The following BRD4 variants were observed in gnomAD, a reference collection of about 807,000 sequenced individuals.
The protein encoded by BRD4 is bromodomain-containing protein 4.
A neutral mutation model predicts 142.1 loss-of-function variants in BRD4; 16 were observed. That is an observed-to-expected ratio of 0.11 (90% CI 0.08 to 0.17). The LOEUF is 0.17. Among genes scored for constraint, BRD4 ranks in the 10% least tolerant of loss-of-function variants. The probability of loss-of-function intolerance (pLI) is 1.00; values close to 1 mark genes in which losing one functional copy is unlikely to be tolerated. For missense variants in BRD4, 1,424 were observed against 1,810.9 expected (o/e 0.79, Z 3.88); for synonymous variants, 833 against 707.5 (o/e 1.18, Z -2.82).
chr19:15,264,255 C>G, intron 6 of BRD4, 149 bp downstream of exon 6: 2 of 1,069,292 alleles, frequency 1.9e-6, no homozygotes, highest in Non-Finnish European at 1.3e-6. Flanking sequence ...CAGCAGGGGG[C>G]GCTGAGTTTC....
intron 1 of BRD4, chr19:15,280,389 G>A (rs199964412): frequency 2.0e-6 from 2 of 1,016,662 alleles, no homozygotes; most frequent in African/African-American, 3.4e-5. Context: ...GAAGCAGCTG[G>A]GTGCCATGTG....
chr19:15,237,246 G>T lies in BRD4; in HGVS notation c.*1131C>A, dbSNP rs1228003516. On this transcript the variant is annotated 3_prime_UTR_variant, in exon 20 of 20. Coordinates refer to ENST00000679869, the MANE Select transcript of BRD4 (RefSeq NM_001379291.1). The stretch of plus-strand genomic sequence containing the variant: ...AAAACAAAAAAGCCAACAAATGGGT[G>T]GGGGGGGGGGGGGTGGAGGGGAAAG... 5.9e-4 allele frequency: 11 copies of T among 18,596 alleles called. No homozygotes were observed. Among genetic ancestry groups the T allele is most frequent in the Non-Finnish European group, 1.0e-3 (9 of 8,898 alleles). 1.2% of individuals were successfully genotyped at this position (18,596 alleles called of 1,614,324 possible).
At chr19:15,294,292 C>G (rs940352414) in intron 1 of BRD4, among the ~76,000 whole-genome samples, 4 of 152,248 alleles carry the variant, frequency 2.6e-5, no homozygotes, top group Admixed American at 6.5e-5. Flanking sequence ...CAGTTCACAG[C>G]AGAGGAGAGA....
intron 4 of BRD4, among the ~76,000 whole-genome samples, chr19:15,267,202 C>T (rs1202361125): frequency 1.3e-5 from 2 of 152,144 alleles, no homozygotes; most frequent in South Asian, 2.1e-4. Flanking sequence ...TCAGAAAAGG[C>T]AGGGCCCAAT....
chr19:15,254,132 T>A lies in BRD4; in HGVS notation c.2158+20A>T, dbSNP rs201366078. 6.2e-7 allele frequency: 1 copy of A among 1,603,652 alleles called. No homozygotes were observed. The highest frequency in any genetic ancestry group is 8.5e-7 in the Non-Finnish European group (1 of 1,170,568). On this transcript the variant is annotated intron_variant, in intron 11 of 19. Transcript: ENST00000679869. ...GGTGGGAAGAGTTTGGTAAGACACG[T>A]AGAACACAAGTCACCTAACCTGTTT...
intron 1 of BRD4, among the ~76,000 whole-genome samples, chr19:15,319,232 G>C (rs557324342): frequency 1.1e-4 from 16 of 152,222 alleles, no homozygotes; most frequent in Non-Finnish European, 1.8e-4. Context: ...AACTCTGGGA[G>C]GCCAAGGTGG....
rs956690732 is a variant in BRD4 at position 15,332,423 on chromosome 19, ACCGCCGGCAG to A, written c.-178_-169del. 2.8e-5 allele frequency: 4 copies of A among 144,970 alleles called. No individual in the cohort carries two copies. Among genetic ancestry groups the A allele is most frequent in the Non-Finnish European group, 6.1e-5 (4 of 65,404 alleles). 9.0% of individuals were successfully genotyped at this position (144,970 alleles called of 1,614,324 possible). ...TCACAGGCCGCGCTCGCCCGCGGGC[ACCGCCGGCAG>A]CCGCCGCAGCCGCTGCCGCCGCCAC... On this transcript the variant is annotated 5_prime_UTR_variant, in exon 1 of 20. Coordinates refer to ENST00000679869, the MANE Select transcript of BRD4 (RefSeq NM_001379291.1).
At position 15,235,566 on chromosome 19, in the gene BRD4, CA is replaced by C. The variant is rs35971341; in HGVS notation, c.*2810del. 23,830 of 76,606 alleles carry C rather than the reference CA, an allele frequency of 0.31. 1,771 individuals are homozygous for C. The highest frequency in any genetic ancestry group is 0.4 in the Middle Eastern group (55 of 136). 4.7% of individuals were successfully genotyped at this position (76,606 alleles called of 1,614,324 possible). On this transcript the variant is annotated 3_prime_UTR_variant, in exon 20 of 20. Transcript: ENST00000679869. ...GTTTATTTTTGCAATGAGAACTGCA[CA>C]AAAAAAAAAAAAAACCTTTCGTATG...
At chr19:15,261,393 G>A (rs542856346) in intron 7 of BRD4, among the ~76,000 whole-genome samples, 60 of 152,154 alleles carry the variant, frequency 3.9e-4, no homozygotes, top group Non-Finnish European at 5.0e-4. Context: ...TGAGGCAGGA[G>A]AACTGCTTGA....
chr19:15,277,237 T>C (rs138423923), intron 1 of BRD4, among the ~76,000 whole-genome samples: 122 of 152,338 alleles, frequency 8.0e-4, no homozygotes, highest in African/African-American at 2.8e-3. Context: ...TCGAACTTGA[T>C]GTCCTACTTT....
intron 1 of BRD4, among the ~76,000 whole-genome samples, chr19:15,321,147 T>C (rs1005233943): frequency 5.9e-5 from 9 of 151,784 alleles, no homozygotes; most frequent in Non-Finnish European, 1.0e-4. Flanking sequence ...GGCAGGAGAA[T>C]TGCTTGACCC....
At position 15,264,406 on chromosome 19, in the gene BRD4, T is replaced by C. The variant is rs1853681137; in HGVS notation, c.1210A>G (p.Lys404Glu). The C allele has an allele frequency of 6.3e-7, 1 of 1,598,838 alleles. No homozygotes were observed. The highest frequency in any genetic ancestry group is 1.3e-5 in the African/African-American group (1 of 74,682). ...IKHPMDMSTI[K>E]SKLEAREYRD... is the part of the protein sequence containing the mutation. Reference sequence around the variant, plus strand: ...TCCCTCAGGCACATCCCGCTAACCTTGATTGTGCTCATGTCCATGGGGTGC... The same window carrying C: ...TCCCTCAGGCACATCCCGCTAACCTCGATTGTGCTCATGTCCATGGGGTGC... Residue 404 changes from lysine to glutamate, a missense_variant and splice_region_variant, in exon 6 of 20, where the codon AAG becomes GAG. Physicochemically the swap from Lys to Glu is moderately conservative, Grantham distance 56. Coordinates refer to ENST00000679869, the MANE Select transcript of BRD4 (RefSeq NM_001379291.1).
chr19:15,285,297 C>T (rs559759569), intron 1 of BRD4, among the ~76,000 whole-genome samples: 123 of 152,328 alleles, frequency 8.1e-4, no homozygotes, highest in African/African-American at 2.8e-3. Flanking sequence ...TCCCTAGGAA[C>T]GCCTCACCAC....
Position 15,236,769 on chromosome 19 carries a change from C to T in BRD4, c.*1608G>A, listed in dbSNP as rs1442884422. ...TTCCTGTACAGAGGTGGTCTGGGGT[C>T]CAGGGGGTCCCCTGGGCCTAGCCTA... On this transcript the variant is annotated 3_prime_UTR_variant, in exon 20 of 20. Transcript: ENST00000679869. 5.7e-6 allele frequency: 1 copy of T among 176,542 alleles called. No individual in the cohort carries two copies. The highest frequency in any genetic ancestry group is 1.2e-5 in the Non-Finnish European group (1 of 82,090). The allele number at this position is 176,542 out of a possible 1,614,324, so 10.9% of individuals were successfully genotyped here.
intron 1 of BRD4, among the ~76,000 whole-genome samples, chr19:15,300,380 T>C (rs1316651604): frequency 6.6e-6 from 1 of 151,508 alleles, no homozygotes; most frequent in Non-Finnish European, 1.5e-5. Flanking sequence ...GGTGAAACCC[T>C]GTCTCCACTA....
intron 1 of BRD4, among the ~76,000 whole-genome samples, chr19:15,281,567 G>A (rs916758794): frequency 6.6e-6 from 1 of 152,204 alleles, no homozygotes; most frequent in African/African-American, 2.4e-5. Flanking sequence ...AGCAACTGGA[G>A]GGACAAGTGG....
intron 7 of BRD4, among the ~76,000 whole-genome samples, chr19:15,262,471 T>C (rs1477917158): frequency 6.7e-6 from 1 of 149,626 alleles, no homozygotes; most frequent in Non-Finnish European, 1.5e-5. Flanking sequence ...GGTGGATCAC[T>C]TAAGCCCAGG....
chr19:15,259,456 G>T (rs2047446160), intron 7 of BRD4, among the ~76,000 whole-genome samples: 2 of 152,226 alleles, frequency 1.3e-5, no homozygotes, highest in Admixed American at 6.5e-5. Flanking sequence ...CATTCCCTGG[G>T]TGCTCATGGC....
At chr19:15,253,655 G>A (rs1463664081) in intron 11 of BRD4, 1 of 1,597,876 alleles carries the variant, frequency 6.3e-7, no homozygotes, top group Admixed American at 1.7e-5. Context: ...TGGCGATGCG[G>A]CTGGCCAGCT....
Sources: gnomAD v4.1 joint callset for allele counts (sites outside exome capture counted in the v4.1 genomes callset) on GRCh38, gnomAD v4.1.1 for gene constraint, MANE v1.5 for transcripts, NCBI Gene and HGNC (gene_info 2026-07-23, HGNC 2026-07-21) for gene names.